Variants in SEMA4F observed in about 807,000 individuals in gnomAD.
The protein encoded by SEMA4F is ssemaphorin 4F.
In SEMA4F, 51 loss-of-function variants were observed where a neutral mutation model predicts 78.4. The observed-to-expected ratio is 0.65, with a 90% CI of 0.52 to 0.82. The LOEUF is 0.82. Among genes scored for constraint, SEMA4F ranks in the 40% least tolerant of loss-of-function variants. The pLI, the probability that SEMA4F is intolerant of heterozygous loss-of-function variation, is 0.00. For missense variants in SEMA4F, 938 were observed against 1,014.4 expected (o/e 0.92, Z 1.02); for synonymous variants, 418 against 408.7 (o/e 1.02, Z -0.27).
chr2:74,657,909 C>T lies in SEMA4F; in HGVS notation c.414C>T (p.Leu138=). 2 of 1,614,258 alleles carry T rather than the reference C, an allele frequency of 1.2e-6. No individual in the cohort carries two copies. Among genetic ancestry groups the T allele is most frequent in the Non-Finnish European group, 1.7e-6 (2 of 1,180,044 alleles). ...CCATTGCCAATGCCTCTCACCTCCTCACTTGTGGCACCTTCGCTTTTGATC... is the reference window on the plus strand; with the variant it reads ...CCATTGCCAATGCCTCTCACCTCCTTACTTGTGGCACCTTCGCTTTTGATC... ...ILAIANASHL[L]TCGTFAFDPK... The change falls in exon 4 of 14, where the codon CTC becomes CTT. Residue 138 remains leucine (L), a synonymous_variant. Transcript: ENST00000357877.
chr2:74,674,895 G>GATA lies in SEMA4F; in HGVS notation c.1009_1010insATA (p.Ala337delinsAspThr). On this transcript the variant is annotated protein_altering_variant, in exon 9 of 14. Coordinates refer to ENST00000357877, the MANE Select transcript of SEMA4F (RefSeq NM_004263.5). ...CCAACCTGTGAATTCCAGGGAGGGG[G>GATA]CTACTATCTCTGCTGTCTGTGCCTT... is the stretch of plus-strand genomic sequence containing the variant. 6.2e-7 allele frequency: 1 copy of GATA among 1,613,890 alleles called. No homozygotes were observed. The highest frequency in any genetic ancestry group is 1.3e-5 in the African/African-American group (1 of 74,950).
downstream of SEMA4F, among the ~76,000 whole-genome samples, chr2:74,685,703 G>A (rs984154012): frequency 6.6e-6 from 1 of 152,082 alleles, no homozygotes; most frequent in African/African-American, 2.4e-5. Flanking sequence ...AGTTGGCTGG[G>A]CAAATAAAAA....
intron 2 of SEMA4F, among the ~76,000 whole-genome samples, chr2:74,657,350 T>C (rs139538630): frequency 1.1e-3 from 166 of 152,370 alleles, no homozygotes; most frequent in African/African-American, 3.8e-3. Flanking sequence ...CATTTTGATA[T>C]ATTCTATTTC....
chr2:74,670,073 C>T (rs886897630), intron 5 of SEMA4F, among the ~76,000 whole-genome samples: 6 of 152,138 alleles, frequency 3.9e-5, no homozygotes, highest in African/African-American at 7.2e-5. Context: ...GGGAATTACT[C>T]GCTTTTGCAC....
In SEMA4F at chr2:74,654,412, C is replaced by T. The variant is rs753417004; in HGVS notation, c.36C>T (p.Pro12=). ...PASAARPRPG[P]GQPTASPFPL... ...CTGCTGCGCGGCCCCGCCCGGGTCC[C>T]GGGCAGCCTACAGCCTCGCCCTTCC... Residue 12 remains proline (P), a synonymous_variant, in exon 1 of 14, where the codon CCC becomes CCT. Transcript: ENST00000357877. 8 of 1,540,342 alleles carry T rather than the reference C, an allele frequency of 5.2e-6. No individual in the cohort carries two copies. The Admixed American group carries it at 1.3e-4, about 26-fold the overall frequency.
chr2:74,675,502 C>T (rs1313219232), intron 10 of SEMA4F, 23 bp from the exon 11 acceptor site: 1 of 1,607,934 alleles, frequency 6.2e-7, no homozygotes, highest in Non-Finnish European at 8.5e-7. Context: ...TGTAATTATT[C>T]TTGTTCCTTT....
the SEMA4F span, among the ~76,000 whole-genome samples, chr2:74,700,531 T>G: frequency 2.6e-5 from 4 of 152,180 alleles, no homozygotes; most frequent in African/African-American, 9.7e-5. Context: ...AATACTCTTG[T>G]TGTCCAAACT....
At chr2:74,662,626 G>A (rs1309089352) in intron 4 of SEMA4F, 106 bp from the exon 5 acceptor site, 2 of 887,842 alleles carry the variant, frequency 2.3e-6, no homozygotes, top group East Asian at 4.8e-5. Context: ...GAGTGGAAGG[G>A]GAGAGGAATG....
the SEMA4F span, among the ~76,000 whole-genome samples, chr2:74,693,483 A>G: frequency 6.6e-6 from 1 of 152,204 alleles, no homozygotes; most frequent in East Asian, 1.9e-4. Context: ...ATTACCTCTA[A>G]CACTAACAGG....
At chr2:74,693,784 G>A in the SEMA4F span, among the ~76,000 whole-genome samples, 4 of 152,150 alleles carry the variant, frequency 2.6e-5, 1 homozygote, top group South Asian at 8.3e-4. Flanking sequence ...AGTTCATAGG[G>A]TGTTTCCTCA....
chr2:74,682,055 C>G lies in SEMA4F; in HGVS notation c.*1846C>G, dbSNP rs1442669628. ...GTCAACAATAAAGACCTGTCTGTAC[C>G]AATAGATGTTGTTATTGCAAAAATG... On this transcript the variant is annotated 3_prime_UTR_variant, in exon 14 of 14. Coordinates refer to ENST00000357877, the MANE Select transcript of SEMA4F (RefSeq NM_004263.5). The G allele has an allele frequency of 6.6e-6, 1 of 152,182 alleles. No homozygotes were observed. The highest frequency in any genetic ancestry group is 1.5e-5 in the Non-Finnish European group (1 of 68,020). The allele number at this position is 152,182 out of a possible 1,614,324, so 9.4% of individuals were successfully genotyped here.
chr2:74,688,907 A>G, the SEMA4F span, among the ~76,000 whole-genome samples: 1 of 152,240 alleles, frequency 6.6e-6, no homozygotes, highest in Non-Finnish European at 1.5e-5. Context: ...GGTGTTCATT[A>G]AATATTAATT....
chr2:74,654,586 C>T, intron 1 of SEMA4F, 65 bp downstream of exon 1: 4 of 1,375,052 alleles, frequency 2.9e-6, no homozygotes, highest in East Asian at 2.9e-5. Context: ...CCCACCTGCT[C>T]CTCAGACCGC....
intron 5 of SEMA4F, among the ~76,000 whole-genome samples, chr2:74,667,622 A>G (rs776367558): frequency 1.3e-5 from 2 of 152,240 alleles, no homozygotes; most frequent in African/African-American, 2.4e-5. Context: ...TATCTGTACT[A>G]TACTTAGATA....
At chr2:74,672,068 C>T (rs1685017600) in intron 5 of SEMA4F, among the ~76,000 whole-genome samples, 1 of 152,194 alleles carries the variant, frequency 6.6e-6, no homozygotes, top group Non-Finnish European at 1.5e-5. Context: ...CACTTTCCTC[C>T]TAAAAAAAGA....
intron 5 of SEMA4F, among the ~76,000 whole-genome samples, chr2:74,670,627 A>G (rs1173086219): frequency 6.6e-6 from 1 of 152,236 alleles, no homozygotes; most frequent in Non-Finnish European, 1.5e-5. Context: ...TCACGCTCCC[A>G]GCGTCTGCTT....
rs1202635399 is a variant in SEMA4F at position 74,681,902 on chromosome 2, GC to G, written c.*1694del. On this transcript the variant is annotated 3_prime_UTR_variant, in exon 14 of 14. Coordinates refer to ENST00000357877, the MANE Select transcript of SEMA4F (RefSeq NM_004263.5). Reference sequence around the variant, plus strand: ...CCCCTTGGGTTTGGAATTATCAGTGGCTTTGCCACTAGTAAATGTGTGATCT... The same window carrying G: ...CCCCTTGGGTTTGGAATTATCAGTGGTTTGCCACTAGTAAATGTGTGATCT... 6.6e-6 allele frequency: 1 copy of G among 152,660 alleles called. No individual in the cohort carries two copies. Among genetic ancestry groups the G allele is most frequent in the Non-Finnish European group, 1.5e-5 (1 of 68,054 alleles). 9.5% of individuals were successfully genotyped at this position (152,660 alleles called of 1,614,324 possible). A position where few individuals can be genotyped will look rare whatever the true frequency, so the allele number is the denominator to read the frequency against.
At chr2:74,670,002 A>T (rs995201012) in intron 5 of SEMA4F, among the ~76,000 whole-genome samples, 14 of 152,296 alleles carry the variant, frequency 9.2e-5, no homozygotes, top group Non-Finnish European at 1.9e-4. Context: ...AAAAATAAAA[A>T]TAGGGTTGAA....
downstream of SEMA4F, among the ~76,000 whole-genome samples, chr2:74,686,105 CT>C (rs1252929999): frequency 1.4e-3 from 202 of 143,518 alleles, no homozygotes; most frequent in Middle Eastern, 3.6e-3. Context: ...CTTTTTTTTT[CT>C]TTTTTTTTTT....
Sources: allele counts gnomAD v4.1 joint callset (sites outside exome capture counted in the v4.1 genomes callset), GRCh38; gene constraint gnomAD v4.1.1; transcripts MANE v1.5; gene names NCBI Gene and HGNC (gene_info 2026-07-23, HGNC 2026-07-21).